The following ADGRB1 variants were observed in gnomAD, a reference collection of about 807,000 sequenced individuals.
ADGRB1 encodes the protein brain-specific angiogenesis inhibitor 1.
In ADGRB1, 36 loss-of-function variants were observed where a neutral mutation model predicts 175.7. The observed-to-expected ratio is 0.20, with a 90% CI of 0.16 to 0.27. The LOEUF (loss-of-function observed/expected upper bound fraction) is 0.27, where lower values mean the gene tolerates loss of function less well. Ranked by LOEUF, ADGRB1 falls within the 10% of genes least tolerant of loss-of-function variation. The pLI, the probability that ADGRB1 is intolerant of heterozygous loss-of-function variation, is 1.00. For missense variants in ADGRB1, 1,731 were observed against 2,255.3 expected (o/e 0.77, Z 4.71); for synonymous variants, 1,054 against 979.4 (o/e 1.08, Z -1.42).
At chr8:142,522,791 C>T (rs1021158920) in intron 22 of ADGRB1, 81 bp downstream of exon 22, 3 of 1,318,292 alleles carry the variant, frequency 2.3e-6, no homozygotes, top group South Asian at 3.7e-5. Flanking sequence ...TGAGGGCTGG[C>T]CATGCCCTCC....
In ADGRB1 at chr8:142,510,167, A is replaced by T. The variant is rs994751858; in HGVS notation, c.2676-765A>T. 3.9e-5 allele frequency among the ~76,000 whole-genome samples: 6 copies of T among 152,132 alleles called. No homozygotes were observed. Among genetic ancestry groups the T allele is most frequent in the African/African-American group, 1.4e-4 (6 of 41,444 alleles). On this transcript the variant is annotated intron_variant, in intron 17 of 30. Coordinates refer to ENST00000517894, the MANE Select transcript of ADGRB1 (RefSeq NM_001702.3). This position sits in a 1 kb window ranked among gnomAD's most constrained non-coding sequence, Gnocchi z 6.3. ...GGAGGAGGGGTTTGCAGAGCAGGTCAGTCCCTGGTGCACCAAGTAACAAGT... is the reference window on the plus strand; with the variant it reads ...GGAGGAGGGGTTTGCAGAGCAGGTCTGTCCCTGGTGCACCAAGTAACAAGT...
rs528029025 is a variant in ADGRB1 at position 142,479,423 on chromosome 8, C to T, written c.1662C>T (p.Phe554=). 26 of 1,548,740 alleles carry T rather than the reference C, an allele frequency of 1.7e-5. No homozygotes were observed. Among genetic ancestry groups the T allele is most frequent in the Middle Eastern group, 1.7e-4 (1 of 5,750 alleles). Residue 554 remains phenylalanine, a synonymous_variant, in exon 8 of 31, where the codon TTC becomes TTT. Coordinates refer to ENST00000517894, the MANE Select transcript of ADGRB1 (RefSeq NM_001702.3). ...AGCGTGTCTGCTCTGGGCCCTTCTT[C>T]GGGGGAGCAGCCTGCCAGGGCCCCC... ...RRERVCSGPF[F]GGAACQGPQD...
chr8:142,472,451 T>C (rs1488245530), intron 2 of ADGRB1, among the ~76,000 whole-genome samples: 1 of 152,182 alleles, frequency 6.6e-6, no homozygotes, highest in African/African-American at 2.4e-5. Flanking sequence ...GCCTGCTTGC[T>C]GCTCCTCTGC....
At chr8:142,505,306 C>T (rs1842800812) in intron 17 of ADGRB1, among the ~76,000 whole-genome samples, 1 of 152,208 alleles carries the variant, frequency 6.6e-6, no homozygotes, top group Non-Finnish European at 1.5e-5. Flanking sequence ...AGGGCAGGGG[C>T]CCCAAGAGCA....
chr8:142,466,087 G>T (rs1333020976), intron 2 of ADGRB1, among the ~76,000 whole-genome samples: 3 of 152,220 alleles, frequency 2.0e-5, no homozygotes, highest in Non-Finnish European at 2.9e-5. Flanking sequence ...GAAGCCCAGG[G>T]TTTTGGTGTT....
At chr8:142,531,548 G>T (rs535456746) in intron 24 of ADGRB1, among the ~76,000 whole-genome samples, 1 of 152,202 alleles carries the variant, frequency 6.6e-6, no homozygotes, top group Admixed American at 6.5e-5. Context: ...CAGGGAAGAA[G>T]GAGTCCCATG....
intron 12 of ADGRB1, 58 bp downstream of exon 12, chr8:142,484,103 G>C: frequency 6.6e-7 from 1 of 1,506,974 alleles, no homozygotes; most frequent in Non-Finnish European, 9.0e-7. Context: ...CACAGCTGGT[G>C]CCTCCCTGGT....
chr8:142,525,273 C>A (rs1453319748), intron 23 of ADGRB1, among the ~76,000 whole-genome samples: 1 of 151,926 alleles, frequency 6.6e-6, no homozygotes, highest in South Asian at 2.1e-4. Context: ...TTCCTCCAGG[C>A]GGGAGGCAGG....
At chr8:142,497,298 G>T (rs902995516) in intron 17 of ADGRB1, among the ~76,000 whole-genome samples, 1 of 152,062 alleles carries the variant, frequency 6.6e-6, no homozygotes, top group Non-Finnish European at 1.5e-5. Context: ...CTGCCCAAGC[G>T]AGCATCCTGG....
chr8:142,531,464 A>C (rs1844618744), intron 24 of ADGRB1, among the ~76,000 whole-genome samples: 1 of 152,154 alleles, frequency 6.6e-6, no homozygotes, highest in Non-Finnish European at 1.5e-5. Flanking sequence ...GTGCACAGGG[A>C]GCAGGGGCAG....
At chr8:142,500,388 G>A (rs572151682) in intron 17 of ADGRB1, among the ~76,000 whole-genome samples, 1 of 89,598 alleles carries the variant, frequency 1.1e-5, no homozygotes, top group Non-Finnish European at 2.0e-5. Flanking sequence ...CCCCCGCGCC[G>A]CTCCTCCCCC....
chr8:142,464,226 C>T lies in ADGRB1; in HGVS notation c.28C>T (p.Pro10Ser), dbSNP rs1310109730. Residue 10 changes from proline to serine, a missense_variant, in exon 2 of 31, where the codon CCC becomes TCC. This residue lies in a region of ADGRB1 where 383 missense variants were observed against 383.1 expected (regional missense o/e 1.00). Coordinates refer to ENST00000517894, the MANE Select transcript of ADGRB1 (RefSeq NM_001702.3). ...GAGGGGCCAGGCCGCCGCCCCGGGCCCCGTCTGGATCCTCGCCCCGCTGCT... is the reference window on the plus strand; with the variant it reads ...GAGGGGCCAGGCCGCCGCCCCGGGCTCCGTCTGGATCCTCGCCCCGCTGCT... MRGQAAAPG[P>S]VWILAPLLLL... 2 of 1,311,156 alleles carry T rather than the reference C, an allele frequency of 1.5e-6. No homozygotes were observed. The highest frequency in any genetic ancestry group is 1.9e-6 in the Non-Finnish European group (2 of 1,037,712). The allele number at this position is 1,311,156 out of a possible 1,614,324, so 81.2% of individuals were successfully genotyped here.
chr8:142,480,996 T>C (rs1228006428), intron 9 of ADGRB1, among the ~76,000 whole-genome samples: 1 of 152,202 alleles, frequency 6.6e-6, no homozygotes, highest in East Asian at 1.9e-4. Context: ...GGCCGAGATC[T>C]CCACCTCCAT....
At chr8:142,514,389 C>T (rs1344459976) in intron 18 of ADGRB1, among the ~76,000 whole-genome samples, 1 of 152,184 alleles carries the variant, frequency 6.6e-6, no homozygotes, top group African/African-American at 2.4e-5. Flanking sequence ...TCTGCGGCTG[C>T]AGCAGGCCTA....
intron 8 of ADGRB1, 83 bp downstream of exon 8, chr8:142,479,570 G>A: frequency 6.6e-7 from 1 of 1,519,548 alleles, no homozygotes; most frequent in Non-Finnish European, 8.8e-7. Context: ...CACCCACGTG[G>A]TGTGTTGGGG....
chr8:142,490,911 C>T (rs1267563669), intron 17 of ADGRB1, 96 bp downstream of exon 17: 5 of 1,444,896 alleles, frequency 3.5e-6, no homozygotes, highest in Non-Finnish European at 4.7e-6. Flanking sequence ...AGGTCTTGTC[C>T]ACTTGCCCCC....
At chr8:142,512,531 G>T (rs1337963656) in intron 18 of ADGRB1, among the ~76,000 whole-genome samples, 1 of 152,196 alleles carries the variant, frequency 6.6e-6, no homozygotes, top group Non-Finnish European at 1.5e-5. Flanking sequence ...TGCCCCATCT[G>T]CCCCTTCTCC....
chr8:142,478,424 C>T, intron 7 of ADGRB1, 64 bp downstream of exon 7: 3 of 1,480,582 alleles, frequency 2.0e-6, no homozygotes, highest in Non-Finnish European at 2.7e-6. Context: ...AGGAAGGGGA[C>T]AGGCCCCACA....
intron 2 of ADGRB1, among the ~76,000 whole-genome samples, chr8:142,471,597 G>C (rs905715457): frequency 2.0e-5 from 3 of 152,248 alleles, no homozygotes; most frequent in African/African-American, 7.2e-5. Context: ...GACAGTACCT[G>C]CTAGCAGGGC....
Sources: gnomAD v4.1 joint callset for allele counts (sites outside exome capture counted in the v4.1 genomes callset) on GRCh38, gnomAD v4.1.1 for gene constraint, gnomAD v4.1.1 regional missense constraint, Gnocchi (gnomAD v3.1) non-coding constraint, MANE v1.5 for transcripts, NCBI Gene and HGNC (gene_info 2026-07-23, HGNC 2026-07-21) for gene names.